IWS1: variants seen among roughly 807,000 people sequenced by gnomAD.
The protein encoded by IWS1 is interacts with SUPT6H, CTD assembly factor 1.
In IWS1, 27 loss-of-function variants were observed where a neutral mutation model predicts 86.7. The observed-to-expected ratio is 0.31, with a 90% CI of 0.23 to 0.43. IWS1 has a LOEUF of 0.43. IWS1 is among the 20% of genes least tolerant of loss of function. The pLI is 1.00. For synonymous variants in IWS1, 313 were observed against 335.1 expected, an observed-to-expected ratio of 0.93 and a Z score of 0.72; for missense variants, 827 against 1,000.8, an observed-to-expected ratio of 0.83 and a Z score of 2.34.
intron 13 of IWS1, chr2:127,482,703 C>T (rs1689696826): frequency 6.6e-6 from 1 of 152,210 alleles, no homozygotes; most frequent in South Asian, 2.1e-4. Context: ...TCAGGGCACA[C>T]ACGGGCCAGT....
rs764997164 is a variant in IWS1 at position 127,503,399 on chromosome 2, C to T, written c.1397G>A (p.Gly466Asp). The T allele has an allele frequency of 2.5e-6, 4 of 1,611,124 alleles. No homozygotes were observed. Among genetic ancestry groups the T allele is most frequent in the South Asian group, 2.2e-5 (2 of 90,774 alleles). Residue 466 changes from glycine (G) to aspartate (D), a missense_variant, in exon 4 of 14, where the codon GGC (glycine) becomes GAC (aspartate). Coordinates refer to ENST00000295321, the MANE Select transcript of IWS1 (RefSeq NM_017969.3). The stretch of plus-strand genomic sequence containing the variant: ...TACTGTCACTTACTCTTCTTCATTG[C>T]CTGACTCACTGTCACTCCCAAACAG... ...KDLFGSDSES[G>D]NEEENLIADI...
Position 127,523,971 on chromosome 2 carries a change from A to C in IWS1, c.35-180T>G, listed in dbSNP as rs566829766. 2.4e-3 allele frequency among the ~76,000 whole-genome samples: 365 copies of C among 152,320 alleles called. 1 individual carries two copies. Among genetic ancestry groups the C allele is most frequent in the Non-Finnish European group, 4.2e-3 (289 of 68,036 alleles). Reference sequence around the variant, plus strand: ...TACTCATACAAACACCAACAAGCATAACATGTACTGTGAAATACGTGGCAG... The same window carrying C: ...TACTCATACAAACACCAACAAGCATCACATGTACTGTGAAATACGTGGCAG... On this transcript the variant is annotated intron_variant, in intron 1 of 13. Transcript: ENST00000295321.
intron 2 of IWS1, among the ~76,000 whole-genome samples, chr2:127,518,451 C>T (rs1691896368): frequency 6.6e-6 from 1 of 151,872 alleles, no homozygotes; most frequent in South Asian, 2.1e-4. Context: ...GAGGTTGAGG[C>T]TGCAGTGAGC....
Position 127,526,480 on chromosome 2 carries a change from A to G in IWS1, c.-272T>C. ...TTCCTAGAAGCACCGCTGGGGCCAA[A>G]ATGGCGTCTGCCCACGACCCTCAAA... On this transcript the variant is annotated 5_prime_UTR_variant, in exon 1 of 14. Transcript: ENST00000295321. 1 of 1,521,578 alleles carries G rather than the reference A, an allele frequency of 6.6e-7. No individual in the cohort carries two copies. The highest frequency in any genetic ancestry group is 1.2e-5 in the South Asian group (1 of 82,868). The allele number at this position is 1,521,578 out of a possible 1,614,324, so 94.3% of individuals were successfully genotyped here.
At chr2:127,527,312 G>C (rs1692476912), upstream of IWS1, among the ~76,000 whole-genome samples, 1 of 152,038 alleles carries the variant, frequency 6.6e-6, no homozygotes, top group Admixed American at 6.6e-5. Flanking sequence ...TGATGATATC[G>C]AGTGATTAGT....
intron 8 of IWS1, 92 bp from the exon 9 acceptor site, chr2:127,493,502 C>G: frequency 8.1e-7 from 1 of 1,241,234 alleles, no homozygotes; most frequent in Non-Finnish European, 1.1e-6. Flanking sequence ...TTTCTAAAAA[C>G]TGCTTTTAAA....
At position 127,505,257 on chromosome 2, in the gene IWS1, G is replaced by C; in HGVS notation, c.646C>G (p.Leu216Val). ...PRMSDSESEE[L>V]PKPQVSDSES... Reference sequence around the variant, plus strand: ...GAATCACTGACCTGAGGTTTAGGAAGCTCCTCACTTTCAGAATCACTCATT... The same window carrying C: ...GAATCACTGACCTGAGGTTTAGGAACCTCCTCACTTTCAGAATCACTCATT... The change falls in exon 3 of 14, where the codon CTT becomes GTT. Residue 216 changes from leucine to valine, a missense_variant. Transcript: ENST00000295321. The surrounding 1 kb of genome is among the most constrained non-coding windows in gnomAD (Gnocchi z 5.0). 1 of 1,613,660 alleles carries C rather than the reference G, an allele frequency of 6.2e-7. No individual in the cohort carries two copies.
intron 2 of IWS1, among the ~76,000 whole-genome samples, chr2:127,512,034 C>T (rs1277348558): frequency 6.6e-6 from 1 of 152,238 alleles, no homozygotes; most frequent in Non-Finnish European, 1.5e-5. Context: ...GCTGGGCCCA[C>T]TGTGCTTTGC....
At chr2:127,483,460 TA>T (rs1689741255) in intron 13 of IWS1, among the ~76,000 whole-genome samples, 1 of 142,128 alleles carries the variant, frequency 7.0e-6, no homozygotes. Flanking sequence ...AGAAAATACA[TA>T]ATAAAAAAAA....
At chr2:127,488,424 A>G (rs922789095) in intron 12 of IWS1, among the ~76,000 whole-genome samples, 4 of 152,232 alleles carry the variant, frequency 2.6e-5, no homozygotes, top group African/African-American at 9.6e-5. Context: ...GGTAATAAAC[A>G]CTGTCTCAGC....
At position 127,505,238 on chromosome 2, in the gene IWS1, C is replaced by T; in HGVS notation, c.665G>A (p.Ser222Asn). The change falls in exon 3 of 14, where the codon AGT becomes AAT. Residue 222 changes from serine to asparagine, a missense_variant. Ser to Asn is a conservative substitution (Grantham distance 46, BLOSUM62 1). Transcript: ENST00000295321. The surrounding 1 kb of genome is among the most constrained non-coding windows in gnomAD (Gnocchi z 5.0). ...ESEELPKPQV[S>N]DSESEEPPRH... is the part of the protein sequence containing the mutation. Reference sequence around the variant, plus strand: ...TGGGGGTTCCTCACTTTCTGAATCACTGACCTGAGGTTTAGGAAGCTCCTC... The same window carrying T: ...TGGGGGTTCCTCACTTTCTGAATCATTGACCTGAGGTTTAGGAAGCTCCTC... 1.2e-6 allele frequency: 2 copies of T among 1,614,108 alleles called. No individual in the cohort carries two copies.
At chr2:127,492,546 C>CAA (rs67080980) in intron 9 of IWS1, among the ~76,000 whole-genome samples, 1 of 143,104 alleles carries the variant, frequency 7.0e-6, no homozygotes. Flanking sequence ...AACTCCGTCT[C>CAA]AAAAAAAAAA....
rs1307381500 is a variant in IWS1 at position 127,499,217 on chromosome 2, A to C, written c.1468-980T>G. 1.3e-5 allele frequency among the ~76,000 whole-genome samples: 2 copies of C among 150,978 alleles called. No individual in the cohort carries two copies. Among genetic ancestry groups the C allele is most frequent in the African/African-American group, 4.9e-5 (2 of 41,000 alleles). Reference sequence around the variant, plus strand: ...GCCATTCTCCTGCCTCAGCCTTCTGAGTAGCTGGGACTACAGGCGCCTGCC... The same window carrying C: ...GCCATTCTCCTGCCTCAGCCTTCTGCGTAGCTGGGACTACAGGCGCCTGCC... On this transcript the variant is annotated intron_variant, in intron 5 of 13. Transcript: ENST00000295321. The surrounding 1 kb of genome is among the most constrained non-coding windows in gnomAD (Gnocchi z 4.0).
In IWS1 at chr2:127,499,381, C is replaced by G. The variant is rs569904436; in HGVS notation, c.1468-1144G>C. 6.6e-6 allele frequency among the ~76,000 whole-genome samples: 1 copy of G among 152,166 alleles called. No homozygotes were observed. The highest frequency in any genetic ancestry group is 1.5e-5 in the Non-Finnish European group (1 of 68,020). On this transcript the variant is annotated intron_variant, in intron 5 of 13. Coordinates refer to ENST00000295321, the MANE Select transcript of IWS1 (RefSeq NM_017969.3). This position sits in a 1 kb window ranked among gnomAD's most constrained non-coding sequence, Gnocchi z 4.0. ...CTGGGATTACAGGCGTGAGCCACCG[C>G]GCCCGGCCAATTTTTCATTTTTATG... is the stretch of plus-strand genomic sequence containing the variant.
chr2:127,507,799 A>G lies in IWS1; in HGVS notation c.151-2047T>C, dbSNP rs142310291. On this transcript the variant is annotated intron_variant, in intron 2 of 13. Coordinates refer to ENST00000295321, the MANE Select transcript of IWS1 (RefSeq NM_017969.3). ...CATTCCTAATCTGAAAATTCAGACA[A>G]CTCCAAAATCTGAAACTTCTTGAGC... 1.4e-3 allele frequency among the ~76,000 whole-genome samples: 215 copies of G among 152,304 alleles called. 4 individuals carry two copies. The East Asian group carries it at 0.032, about 23-fold the overall frequency.
At position 127,505,800 on chromosome 2, in the gene IWS1, ACCATTAATAAT is replaced by A; in HGVS notation, c.151-59_151-49del. On this transcript the variant is annotated intron_variant, in intron 2 of 13. Transcript: ENST00000295321. The surrounding 1 kb of genome is among the most constrained non-coding windows in gnomAD (Gnocchi z 5.0). ...ATTAGGAAAGTGCAAAAAAAAAAAA[ACCATTAATAAT>A]AAAACATTAAATTTTTTCTGTGATT... 3 of 1,155,620 alleles carry A rather than the reference ACCATTAATAAT, an allele frequency of 2.6e-6. No individual in the cohort carries two copies. The highest frequency in any genetic ancestry group is 1.6e-5 in the African/African-American group (1 of 62,718). The allele number at this position is 1,155,620 out of a possible 1,614,324, so 71.6% of individuals were successfully genotyped here.
At position 127,526,279 on chromosome 2, in the gene IWS1, A is replaced by AC. The variant is rs1179621373; in HGVS notation, c.-72dup. The AC allele has an allele frequency of 6.5e-7, 1 of 1,545,986 alleles. No individual in the cohort carries two copies. The highest frequency in any genetic ancestry group is 2.0e-5 in the Admixed American group (1 of 51,036). ...CCGTCACCTCCTTCCAGGCGGTGTGACCCCGGATGGCGCGGCTAAGTGTTC... is the reference window on the plus strand; with the variant it reads ...CCGTCACCTCCTTCCAGGCGGTGTGACCCCCGGATGGCGCGGCTAAGTGTTC... On this transcript the variant is annotated 5_prime_UTR_variant, in exon 1 of 14. Coordinates refer to ENST00000295321, the MANE Select transcript of IWS1 (RefSeq NM_017969.3).
At chr2:127,491,373 T>C (rs1013652915) in intron 10 of IWS1, among the ~76,000 whole-genome samples, 4 of 152,170 alleles carry the variant, frequency 2.6e-5, no homozygotes, top group Admixed American at 6.5e-5. Context: ...ATCAACTCCA[T>C]GGCCTGCAAT....
At chr2:127,490,724 G>A (rs1222524691) in intron 10 of IWS1, 2 of 152,130 alleles carry the variant, frequency 1.3e-5, no homozygotes, top group Non-Finnish European at 2.9e-5. Flanking sequence ...AACCAGTGGG[G>A]ATATTCTGCT....
Sources: allele counts gnomAD v4.1 joint callset (sites outside exome capture counted in the v4.1 genomes callset), GRCh38; gene constraint gnomAD v4.1.1; non-coding constraint Gnocchi (gnomAD v3.1); transcripts MANE v1.5; gene names NCBI Gene and HGNC (gene_info 2026-07-23, HGNC 2026-07-21).